RYR2: variants seen among roughly 807,000 people sequenced by gnomAD.
RYR2 encodes the protein ryanodine receptor 2.
In RYR2, 227 loss-of-function variants were observed where a neutral mutation model predicts 601.1. The observed-to-expected ratio is 0.38, with a 90% CI of 0.34 to 0.42. RYR2 has a LOEUF of 0.42. RYR2 is among the 10% of genes least tolerant of loss of function. RYR2 has a pLI of 1.00. For missense variants in RYR2, 4,646 were observed against 6,156.5 expected (o/e 0.75, Z 8.21); for synonymous variants, 2,223 against 2,175.1 (o/e 1.02, Z -0.61).
chr1:237,289,885 C>T (rs1359048890), intron 2 of RYR2, among the ~76,000 whole-genome samples: 1 of 152,158 alleles, frequency 6.6e-6, no homozygotes, highest in African/African-American at 2.4e-5. Flanking sequence ...TGGCATAAAA[C>T]TATTTTAGTT....
chr1:237,813,606 A>C (rs973420793), intron 100 of RYR2, among the ~76,000 whole-genome samples: 1 of 152,176 alleles, frequency 6.6e-6, no homozygotes, highest in African/African-American at 2.4e-5. Context: ...TACTTTTGTT[A>C]ATTTTGCTTA....
intron 1 of RYR2, 55 bp from the exon 2 acceptor site, chr1:237,270,442 T>G: frequency 6.5e-7 from 1 of 1,548,690 alleles, no homozygotes; most frequent in Non-Finnish European, 8.7e-7. Context: ...TGATTTGGAC[T>G]GTGCAGTCAT....
intron 24 of RYR2, among the ~76,000 whole-genome samples, chr1:237,521,243 C>A (rs1174733370): frequency 6.6e-6 from 1 of 152,124 alleles, no homozygotes; most frequent in Non-Finnish European, 1.5e-5. Flanking sequence ...GACAAAGGCA[C>A]AACAAAAAAG....
chr1:237,366,365 G>A (rs998233694), intron 5 of RYR2, among the ~76,000 whole-genome samples: 1 of 152,174 alleles, frequency 6.6e-6, no homozygotes, highest in South Asian at 2.1e-4. Flanking sequence ...CTCATGGATT[G>A]TTACAGTCCT....
At chr1:237,800,046 C>CG (rs1266227062) in intron 97 of RYR2, 5 of 152,054 alleles carry the variant, frequency 3.3e-5, no homozygotes, top group African/African-American at 1.2e-4. Context: ...TCAGCCTCAC[C>CG]GAAACAAACA....
Position 237,833,234 on chromosome 1 carries a change from C to CTTTTCTTTA in RYR2, c.*588_*596dup, listed in dbSNP as rs1332838518. 1.9e-4 allele frequency: 25 copies of CTTTTCTTTA among 129,544 alleles called. No homozygotes were observed. The highest frequency in any genetic ancestry group is 6.4e-4 in the African/African-American group (22 of 34,400). 8.0% of individuals were successfully genotyped at this position (129,544 alleles called of 1,614,324 possible). ...TGAGGTTTTTTTTTTTTCCTTTAGT[C>CTTTTCTTTA]TTTTCTTTAGTGGGGGAGGGTAAGA... On this transcript the variant is annotated 3_prime_UTR_variant, in exon 105 of 105. Coordinates refer to ENST00000366574, the MANE Select transcript of RYR2 (RefSeq NM_001035.3).
intron 1 of RYR2, among the ~76,000 whole-genome samples, chr1:237,090,651 TAATATAGG>T (rs1425650074): frequency 6.6e-6 from 1 of 152,252 alleles, no homozygotes; most frequent in African/African-American, 2.4e-5. Flanking sequence ...TAAAGGAAAC[TAATATAGG>T]AATATAGGAA....
At chr1:237,143,345 C>T (rs561134414) in intron 1 of RYR2, among the ~76,000 whole-genome samples, 1 of 152,298 alleles carries the variant, frequency 6.6e-6, no homozygotes, top group Admixed American at 6.5e-5. Context: ...CCTGCTTTGG[C>T]TCACAGGGAC....
intron 11 of RYR2, among the ~76,000 whole-genome samples, chr1:237,421,938 T>C (rs1705636047): frequency 6.6e-6 from 1 of 152,176 alleles, no homozygotes; most frequent in South Asian, 2.1e-4. Flanking sequence ...AATATCAAAT[T>C]TGTCATTTCC....
chr1:237,832,519 G>A (rs1391044196), intron 104 of RYR2, 33 bp from the exon 105 acceptor site: 3 of 1,435,000 alleles, frequency 2.1e-6, no homozygotes, highest in East Asian at 2.3e-5. Context: ...ACACTTTGGG[G>A]AAAATGTTAA....
chr1:237,274,093 T>G (rs1348023669), intron 2 of RYR2, among the ~76,000 whole-genome samples: 1 of 147,576 alleles, frequency 6.8e-6, no homozygotes, highest in Non-Finnish European at 1.5e-5. Flanking sequence ...TTAATGTAGA[T>G]ATATGATAAT....
intron 34 of RYR2, among the ~76,000 whole-genome samples, chr1:237,600,695 T>C (rs536238693): frequency 6.6e-6 from 1 of 152,166 alleles, no homozygotes; most frequent in Non-Finnish European, 1.5e-5. Context: ...ATTTGTAAAC[T>C]ATACATCTGA....
chr1:237,313,187 C>T, intron 2 of RYR2, among the ~76,000 whole-genome samples: 1 of 149,924 alleles, frequency 6.7e-6, no homozygotes, highest in East Asian at 1.9e-4. Flanking sequence ...TATTAATATG[C>T]TCCTTTTTGC....
At chr1:237,423,039 C>T in intron 11 of RYR2, 53 bp from the exon 12 acceptor site, 1 of 1,567,460 alleles carries the variant, frequency 6.4e-7, no homozygotes, top group Admixed American at 2.0e-5. Context: ...TTAATAGCTA[C>T]TCCTTCTGTG....
At chr1:237,255,547 GTCTT>G (rs1315172051) in intron 1 of RYR2, among the ~76,000 whole-genome samples, 1 of 152,126 alleles carries the variant, frequency 6.6e-6, no homozygotes, top group African/African-American at 2.4e-5. Flanking sequence ...CTGGGAATCT[GTCTT>G]TCTTTCTTTG....
chr1:237,273,890 GATATA>G (rs997440078), intron 2 of RYR2, among the ~76,000 whole-genome samples: 16 of 145,868 alleles, frequency 1.1e-4, no homozygotes, highest in African/African-American at 3.7e-4. Flanking sequence ...TATTATAAAT[GATATA>G]ATAAACATAA....
At chr1:237,316,052 T>G (rs1695080083) in intron 2 of RYR2, among the ~76,000 whole-genome samples, 1 of 152,032 alleles carries the variant, frequency 6.6e-6, no homozygotes, top group Non-Finnish European at 1.5e-5. Flanking sequence ...GTTAGAGAGA[T>G]GACATCTAGG....
intron 12 of RYR2, among the ~76,000 whole-genome samples, chr1:237,429,264 G>A (rs1706535704): frequency 6.6e-6 from 1 of 152,128 alleles, no homozygotes; most frequent in African/African-American, 2.4e-5. Context: ...TTTACAGATG[G>A]GGAAAACCAA....
chr1:237,322,495 T>G (rs1414844259), intron 2 of RYR2, among the ~76,000 whole-genome samples: 2 of 152,170 alleles, frequency 1.3e-5, no homozygotes, highest in Non-Finnish European at 2.9e-5. Context: ...ACCTGGTTAC[T>G]GTAAAAGATA....
Sources: allele counts gnomAD v4.1 joint callset (sites outside exome capture counted in the v4.1 genomes callset), GRCh38; gene constraint gnomAD v4.1.1; transcripts MANE v1.5; gene names NCBI Gene and HGNC (gene_info 2026-07-23, HGNC 2026-07-21).